Variants in AGAP2 observed in about 807,000 individuals in gnomAD.
The protein encoded by AGAP2 is arf-GAP with GTPase, ANK repeat and PH domain-containing protein 2.
In AGAP2, 32 loss-of-function variants were observed where a neutral mutation model predicts 110.9. That is an observed-to-expected ratio of 0.29 (90% CI 0.22 to 0.39). The LOEUF (loss-of-function observed/expected upper bound fraction) is 0.39, where lower values mean the gene tolerates loss of function less well. Ranked by LOEUF, AGAP2 falls within the 10% of genes least tolerant of loss-of-function variation. The pLI, the probability that AGAP2 is intolerant of heterozygous loss-of-function variation, is 1.00. For synonymous variants in AGAP2, 702 were observed against 713.0 expected, an observed-to-expected ratio of 0.98 and a Z score of 0.25; for missense variants, 1,285 against 1,638.5, an observed-to-expected ratio of 0.78 and a Z score of 3.72.
Position 57,735,382 on chromosome 12 carries a change from G to C in AGAP2, c.1214C>G (p.Pro405Arg). The stretch of plus-strand genomic sequence containing the variant: ...TGGGTTACCTACCAGGCGCAGTTCA[G>C]GAATGGAGCGGCTCAAAGTCCATTC... The part of the protein sequence containing the change: ...SQEWTLSRSI[P>R]ELRLGVLGDA... Residue 405 changes from proline to arginine, a missense_variant, in exon 2 of 19, where the codon CCT becomes CGT. Around this residue, in one of 7 missense-constraint regions of AGAP2, gnomAD observed 844 missense variants for 941.2 expected, o/e 0.90. Transcript: ENST00000547588. 1 of 1,613,964 alleles carries C rather than the reference G, an allele frequency of 6.2e-7. No homozygotes were observed. Among genetic ancestry groups the C allele is most frequent in the Non-Finnish European group, 8.5e-7 (1 of 1,179,966 alleles).
intron 5 of AGAP2, 69 bp from the exon 6 acceptor site, chr12:57,733,048 T>C: frequency 6.3e-7 from 1 of 1,597,596 alleles, no homozygotes; most frequent in Non-Finnish European, 8.5e-7. Context: ...ACAATTCCCT[T>C]ATCCTTGCAC....
At position 57,733,060 on chromosome 12, in the gene AGAP2, G is replaced by A. The variant is rs543744859; in HGVS notation, c.1550-81C>T. 1.2e-5 allele frequency: 19 copies of A among 1,573,226 alleles called. No individual in the cohort carries two copies. The East Asian group carries it at 2.2e-4, about 19-fold the overall frequency. On this transcript the variant is annotated intron_variant, in intron 5 of 18. Coordinates refer to ENST00000547588, the MANE Select transcript of AGAP2 (RefSeq NM_001122772.3). ...TTCACAATTCCCTTATCCTTGCACT[G>A]GGCCCTCAGGCTGGGTCCACTGGGG... is the stretch of plus-strand genomic sequence containing the variant.
chr12:57,737,719 C>T lies in AGAP2; in HGVS notation c.528G>A (p.Arg176=). 6.5e-7 allele frequency: 1 copy of T among 1,547,298 alleles called. No homozygotes were observed. ...GCGGAGGAGGCGCCACCTTGAGCCT[C>T]CGGCTGCCGGTGCCAGGGTGCGGAG... ...SSSPHPGTGS[R]RLKVAPPPPA... The change falls in exon 1 of 19, where the codon CGG becomes CGA. Residue 176 remains arginine (R), a synonymous_variant. Transcript: ENST00000547588. This position sits in a 1 kb window ranked among gnomAD's most constrained non-coding sequence, Gnocchi z 5.9.
rs773827407 is a variant in AGAP2 at position 57,737,507 on chromosome 12, C to G, written c.740G>C (p.Gly247Ala). 3.6e-5 allele frequency: 57 copies of G among 1,592,830 alleles called. No individual in the cohort carries two copies. In the East Asian group the frequency reaches 1.3e-3, roughly 36 times the overall value. Residue 247 changes from glycine to alanine, a missense_variant, in exon 1 of 19, where the codon GGC (glycine) becomes GCC (alanine). By Grantham distance (60) the Gly-to-Ala change is moderately conservative. Around this residue, in one of 7 missense-constraint regions of AGAP2, gnomAD observed 844 missense variants for 941.2 expected, o/e 0.90. Transcript: ENST00000547588. The surrounding 1 kb of genome is among the most constrained non-coding windows in gnomAD (Gnocchi z 5.9). ...AATAAAAGGGGSTASTSGGVG... is the reference protein window; with the variant it reads ...AATAAAAGGGASTASTSGGVG... The stretch of plus-strand genomic sequence containing the variant: ...CCCACCAGAGGTCGAAGCTGTAGAG[C>G]CCCCTCCCCCGGCGGCGGCGGCGGT...
rs776234860 is a variant in AGAP2 at position 57,737,774 on chromosome 12, C to G, written c.473G>C (p.Arg158Pro). ...PSWGGPEPEGRAGGGIPGSSS... is the reference protein window; with the variant it reads ...PSWGGPEPEGPAGGGIPGSSS... The stretch of plus-strand genomic sequence containing the variant: ...TGAGCCAGGGATGCCGCCGCCCGCC[C>G]GGCCTTCGGGCTCCGGGCCGCCCCA... The change falls in exon 1 of 19, where the codon CGG becomes CCG. Residue 158 changes from arginine to proline, a missense_variant. By Grantham distance (103) the Arg-to-Pro change is moderately radical (BLOSUM62 -2). Coordinates refer to ENST00000547588, the MANE Select transcript of AGAP2 (RefSeq NM_001122772.3). This position sits in a 1 kb window ranked among gnomAD's most constrained non-coding sequence, Gnocchi z 5.9. 2.2e-5 allele frequency: 34 copies of G among 1,532,078 alleles called. No homozygotes were observed. The highest frequency in any genetic ancestry group is 3.0e-5 in the Non-Finnish European group (34 of 1,145,388). 94.9% of individuals were successfully genotyped at this position (1,532,078 alleles called of 1,614,324 possible).
chr12:57,737,770 C>T lies in AGAP2; in HGVS notation c.477G>A (p.Ala159=), dbSNP rs981894192. ...AGGATGAGCCAGGGATGCCGCCGCC[C>T]GCCCGGCCTTCGGGCTCCGGGCCGC... ...SWGGPEPEGR[A]GGGIPGSSSP... Residue 159 remains alanine, a synonymous_variant, in exon 1 of 19, where the codon GCG becomes GCA. Coordinates refer to ENST00000547588, the MANE Select transcript of AGAP2 (RefSeq NM_001122772.3). This position sits in a 1 kb window ranked among gnomAD's most constrained non-coding sequence, Gnocchi z 5.9. The T allele has an allele frequency of 6.5e-7, 1 of 1,533,086 alleles. No homozygotes were observed. The highest frequency in any genetic ancestry group is 1.2e-5 in the South Asian group (1 of 83,836). The allele number at this position is 1,533,086 out of a possible 1,614,324, so 95.0% of individuals were successfully genotyped here. A position where few individuals can be genotyped will look rare whatever the true frequency, so the allele number is the denominator to read the frequency against.
At chr12:57,736,953 T>C in intron 1 of AGAP2, 126 bp downstream of exon 1, 2 of 1,428,396 alleles carry the variant, frequency 1.4e-6, no homozygotes, top group Non-Finnish European at 1.8e-6. Flanking sequence ...GACAGAGGGG[T>C]GAGCTTGGTT....
intron 13 of AGAP2, among the ~76,000 whole-genome samples, 165 bp from the exon 14 acceptor site, chr12:57,728,542 C>T (rs1954819569): frequency 2.0e-5 from 3 of 152,126 alleles, no homozygotes; most frequent in Admixed American, 2.0e-4. Flanking sequence ...GAAAGCAGAA[C>T]TAAAGTCAGT....
Position 57,738,160 on chromosome 12 carries a change from C to T in AGAP2, c.87G>A (p.Pro29=). The change falls in exon 1 of 19, where the codon CCG becomes CCA. Residue 29 remains proline, a synonymous_variant. Coordinates refer to ENST00000547588, the MANE Select transcript of AGAP2 (RefSeq NM_001122772.3). This position sits in a 1 kb window ranked among gnomAD's most constrained non-coding sequence, Gnocchi z 6.7. The part of the protein sequence containing the change: ...LTLVKLESVP[P]PPPSPSAAAA... Reference sequence around the variant, plus strand: ...CGGCCGCAGACGGAGAAGGCGGCGGCGGAGGCACCGACTCGAGCTTAACCA... The same window carrying T: ...CGGCCGCAGACGGAGAAGGCGGCGGTGGAGGCACCGACTCGAGCTTAACCA... 1.3e-6 allele frequency: 2 copies of T among 1,523,698 alleles called. No individual in the cohort carries two copies. Among genetic ancestry groups the T allele is most frequent in the Non-Finnish European group, 1.8e-6 (2 of 1,140,824 alleles). The allele number at this position is 1,523,698 out of a possible 1,614,324, so 94.4% of individuals were successfully genotyped here.
In AGAP2 at chr12:57,727,762, C is replaced by A; in HGVS notation, c.2776G>T (p.Asp926Tyr). ...CESSKVKLRT[D>Y]SQSEAVAIQA... is the part of the protein sequence containing the mutation. ...ATGGCCACGGCCTCGCTTTGGCTGT[C>A]TGTGCGCAGCTGCAGAGAGGGTTTG... The change falls in exon 16 of 19, where the codon GAC (aspartate) becomes TAC (tyrosine). Residue 926 changes from aspartate to tyrosine, a missense_variant. This residue lies in a region of AGAP2 where 25 missense variants were observed against 67.5 expected (regional missense o/e 0.37). Transcript: ENST00000547588. 6.3e-7 allele frequency: 1 copy of A among 1,578,224 alleles called. No homozygotes were observed. Among genetic ancestry groups the A allele is most frequent in the South Asian group, 1.2e-5 (1 of 84,594 alleles).
Position 57,730,486 on chromosome 12 carries a change from C to T in AGAP2, c.2428+9G>A, listed in dbSNP as rs746509103. On this transcript the variant is annotated intron_variant, in intron 12 of 18. Coordinates refer to ENST00000547588, the MANE Select transcript of AGAP2 (RefSeq NM_001122772.3). ...GGAAGACAGCAGATGGAAGGTCATC[C>T]CCACTGACCCGTGCTGAGGGCTCGG... 53 of 1,613,020 alleles carry T rather than the reference C, an allele frequency of 3.3e-5. No individual in the cohort carries two copies. The Middle Eastern group carries it at 6.6e-4, about 20-fold the overall frequency.
upstream of AGAP2, chr12:57,740,019 C>T (rs1955057867): frequency 6.6e-6 from 1 of 152,366 alleles, no homozygotes; most frequent in South Asian, 2.1e-4. Flanking sequence ...GGTTGAGACC[C>T]CTTGGGGGTG....
chr12:57,726,643 G>C lies in AGAP2; in HGVS notation c.3488C>G (p.Thr1163Ser), dbSNP rs1409205298. ...GGGCGTGGCGGTGATGCTGGGCGTG[G>C]TGGCCGCGCTGGGCGTGGTGGCCGC... is the stretch of plus-strand genomic sequence containing the variant. ...GSAATTPSAATTPSITATPSP... is the reference protein window; with the variant it reads ...GSAATTPSAASTPSITATPSP... Residue 1163 changes from threonine (T) to serine (S), a missense_variant, in exon 19 of 19, where the codon ACC becomes AGC. Physicochemically the swap from Thr to Ser is moderately conservative, Grantham distance 58. This residue lies in a region of AGAP2 where 201 missense variants were observed against 276.1 expected (regional missense o/e 0.73). Transcript: ENST00000547588. The surrounding 1 kb of genome is among the most constrained non-coding windows in gnomAD (Gnocchi z 5.7). 7 of 1,197,446 alleles carry C rather than the reference G, an allele frequency of 5.8e-6. No homozygotes were observed. Among genetic ancestry groups the C allele is most frequent in the Non-Finnish European group, 7.2e-6 (7 of 965,928 alleles). 74.2% of individuals were successfully genotyped at this position (1,197,446 alleles called of 1,614,324 possible).
At chr12:57,734,846 G>C (rs941663666) in intron 2 of AGAP2, among the ~76,000 whole-genome samples, 167 bp from the exon 3 acceptor site, 4 of 151,956 alleles carry the variant, frequency 2.6e-5, no homozygotes, top group African/African-American at 9.7e-5. Context: ...AGAGCAGCTG[G>C]GGGGATCAGA....
Position 57,731,795 on chromosome 12 carries a change from T to C in AGAP2, c.1953+14A>G, listed in dbSNP as rs772313960. On this transcript the variant is annotated intron_variant, in intron 8 of 18. Transcript: ENST00000547588. ...GGACAGGAGGATGGGGGTCAGCATG[T>C]CCATGTCCAATACCGCAAAAAGGCT... The C allele has an allele frequency of 2.6e-6, 4 of 1,559,804 alleles. No homozygotes were observed. The highest frequency in any genetic ancestry group is 3.5e-6 in the Non-Finnish European group (4 of 1,151,844).
chr12:57,737,836 G>A lies in AGAP2; in HGVS notation c.411C>T (p.Pro137=). Residue 137 remains proline, a synonymous_variant, in exon 1 of 19, where the codon CCC becomes CCT. Coordinates refer to ENST00000547588, the MANE Select transcript of AGAP2 (RefSeq NM_001122772.3). The surrounding 1 kb of genome is among the most constrained non-coding windows in gnomAD (Gnocchi z 5.9). ...TGAGCAGGGGGCGCCGGGAGGAGGT[G>A]GGGGCGCCCCCAGGCTTGGGGTCGG... ...LSPDPKPGGA[P]TSSRRPLLSS... is the part of the protein sequence containing the mutation. The A allele has an allele frequency of 6.8e-7, 1 of 1,477,790 alleles. No homozygotes were observed. The highest frequency in any genetic ancestry group is 8.9e-7 in the Non-Finnish European group (1 of 1,126,458). 91.5% of individuals were successfully genotyped at this position (1,477,790 alleles called of 1,614,324 possible).
Position 57,734,048 on chromosome 12 carries a change from G to C in AGAP2, c.1527C>G (p.Ala509=), listed in dbSNP as rs1954933262. The C allele has an allele frequency of 5.0e-6, 8 of 1,605,536 alleles. No individual in the cohort carries two copies. Among genetic ancestry groups the C allele is most frequent in the Non-Finnish European group, 6.8e-6 (8 of 1,175,694 alleles). Residue 509 remains alanine, a synonymous_variant, in exon 5 of 19, where the codon GCC becomes GCG. Coordinates refer to ENST00000547588, the MANE Select transcript of AGAP2 (RefSeq NM_001122772.3). ...TACCTTGTGTCCCCACCAGTGCCAA[G>C]GCCAGGCCTCCTCGTCCCTCCCCGC... The part of the protein sequence containing the change: ...SLRGEGRGGL[A]LALVGTQDRI...
chr12:57,724,632 A>G (rs1014393685), downstream of AGAP2: 4 of 151,584 alleles, frequency 2.6e-5, no homozygotes, highest in African/African-American at 9.7e-5. Context: ...CCTCTGGAAC[A>G]CCCCCTGACG....
chr12:57,735,525 C>G lies in AGAP2; in HGVS notation c.1169-98G>C, dbSNP rs959408390. ...CTCCCTCTGCAGCTTTCCAACCCCC[C>G]CCCAACCCTGCCTGCACTGGAGAGG... On this transcript the variant is annotated intron_variant, in intron 1 of 18. Coordinates refer to ENST00000547588, the MANE Select transcript of AGAP2 (RefSeq NM_001122772.3). 6 of 1,160,254 alleles carry G rather than the reference C, an allele frequency of 5.2e-6. No homozygotes were observed. The African/African-American group carries it at 6.0e-5, about 12-fold the overall frequency. 71.9% of individuals were successfully genotyped at this position (1,160,254 alleles called of 1,614,324 possible).
Sources: allele counts gnomAD v4.1 joint callset (sites outside exome capture counted in the v4.1 genomes callset), GRCh38; gene constraint gnomAD v4.1.1; regional missense constraint gnomAD v4.1.1; non-coding constraint Gnocchi (gnomAD v3.1); transcripts MANE v1.5; gene names NCBI Gene and HGNC (gene_info 2026-07-23, HGNC 2026-07-21).